SDHA: variants seen among roughly 807,000 people sequenced by gnomAD.
SDHA encodes the protein succinate dehydrogenase complex flavoprotein subunit A.
In SDHA, 48 loss-of-function variants were observed where a neutral mutation model predicts 78.4. The ratio of observed to expected loss-of-function variants is 0.61; its 90% CI spans 0.49 to 0.78. The LOEUF is 0.78. SDHA is among the 30% of genes least tolerant of loss of function. The pLI is 0.00. For synonymous variants in SDHA, 326 were observed against 353.9 expected (o/e 0.92, Z 0.88); for missense variants, 680 against 892.7 (o/e 0.76, Z 3.04).
chr5:256,432 G>A lies in SDHA; in HGVS notation c.*12G>A, dbSNP rs554489533. ...TTCGCTCCTACTGATGAGACAAGATGTGGTGATGACAGAATCAGCTTTTGT... is the reference window on the plus strand; with the variant it reads ...TTCGCTCCTACTGATGAGACAAGATATGGTGATGACAGAATCAGCTTTTGT... On this transcript the variant is annotated 3_prime_UTR_variant, in exon 15 of 15. Transcript: ENST00000264932. The A allele has an allele frequency of 1.1e-5, 18 of 1,600,132 alleles. No homozygotes were observed. The South Asian group carries it at 1.9e-4, about 17-fold the overall frequency.
chr5:256,107 A>T (rs1197892227), intron 14 of SDHA, among the ~76,000 whole-genome samples: 1 of 152,260 alleles, frequency 6.6e-6, no homozygotes, highest in Non-Finnish European at 1.5e-5. Context: ...ATAAATATTT[A>T]CTTTGAAGTA....
At chr5:264,452 C>T in the SDHA span, among the ~76,000 whole-genome samples, 71 of 152,314 alleles carry the variant, frequency 4.7e-4, no homozygotes, top group African/African-American at 1.7e-3. Flanking sequence ...CAGCTGGGCC[C>T]GTGCTCATTG....
chr5:232,675 A>C (rs1425974143), intron 7 of SDHA, among the ~76,000 whole-genome samples: 1 of 152,222 alleles, frequency 6.6e-6, no homozygotes, highest in African/African-American at 2.4e-5. Context: ...GAAAATCAAA[A>C]GACAGACAAG....
Position 235,213 on chromosome 5 carries a change from G to A in SDHA, c.1134G>A (p.Thr378=), listed in dbSNP as rs370002515. 6 of 1,613,852 alleles carry A rather than the reference G, an allele frequency of 3.7e-6. No homozygotes were observed. The highest frequency in any genetic ancestry group is 2.7e-5 in the African/African-American group (2 of 74,906). Reference sequence around the variant, plus strand: ...ACCTACCTCCAGAGCAGCTGGCCACGCGCCTGCCTGGCATTTCAGAGACAG... The same window carrying A: ...ACCTACCTCCAGAGCAGCTGGCCACACGCCTGCCTGGCATTTCAGAGACAG... The part of the protein sequence containing the change: ...LHHLPPEQLA[T]RLPGISETAM... The change falls in exon 9 of 15, where the codon ACG becomes ACA. Residue 378 remains threonine, a synonymous_variant. Coordinates refer to ENST00000264932, the MANE Select transcript of SDHA (RefSeq NM_004168.4).
Position 229,823 on chromosome 5 carries a change from AGTTAACATTATACAGCATGCTGGCTATC to A in SDHA, c.771-1033_771-1006del, listed in dbSNP as rs1454843344. Among the ~76,000 whole-genome samples, 458 of 122,272 alleles carry A rather than the reference AGTTAACATTATACAGCATGCTGGCTATC, an allele frequency of 3.7e-3. 11 individuals carry two copies. The highest frequency in any genetic ancestry group is 0.024 in the African/African-American group (411 of 17,484). The allele number at this position is 122,272 out of a possible 152,430, so 80.2% of individuals were successfully genotyped here. A position where few individuals can be genotyped will look rare whatever the true frequency, so the allele number is the denominator to read the frequency against. On this transcript the variant is annotated intron_variant, in intron 6 of 14. Transcript: ENST00000264932. ...TAACATTATACAGCATGGTGGCTAG[AGTTAACATTATACAGCATGCTGGCTATC>A]GTTAACATTATACAGCATGGTGGCC...
At chr5:259,242 T>C (rs373674815), downstream of SDHA, among the ~76,000 whole-genome samples, 723 of 44,964 alleles carry the variant, frequency 0.016, 7 homozygotes, top group Middle Eastern at 0.038. Context: ...GAGCTCCGCC[T>C]CCCGTCACAG....
In SDHA at chr5:226,006, G is replaced by T; in HGVS notation, c.580G>T (p.Asp194Tyr). The change falls in exon 5 of 15, where the codon GAT (aspartate) becomes TAT (tyrosine). Residue 194 changes from aspartate (D) to tyrosine (Y), a missense_variant. Physicochemically the swap from Asp to Tyr is radical, Grantham distance 160. Transcript: ENST00000264932. Reference sequence around the variant, plus strand: ...GGCCCATCGGTGCTGCTGTGTGGCTGATCGGACTGGCCACTCGCTATTGCA... The same window carrying T: ...GGCCCATCGGTGCTGCTGTGTGGCTTATCGGACTGGCCACTCGCTATTGCA... ...GQAHRCCCVA[D>Y]RTGHSLLHTL... 1 of 1,614,208 alleles carries T rather than the reference G, an allele frequency of 6.2e-7. No homozygotes were observed. The highest frequency in any genetic ancestry group is 1.1e-5 in the South Asian group (1 of 91,082).
the SDHA span, among the ~76,000 whole-genome samples, chr5:262,395 T>C: frequency 4.8e-3 from 695 of 145,118 alleles, 44 homozygotes; most frequent in African/African-American, 0.016. Context: ...CAAGCATTAC[T>C]GTGTGAGATC....
chr5:222,935 A>G (rs1157230264), intron 1 of SDHA, among the ~76,000 whole-genome samples: 1 of 152,194 alleles, frequency 6.6e-6, no homozygotes, highest in African/African-American at 2.4e-5. Context: ...TGTGTGATGA[A>G]GGGATGACAC....
chr5:236,439 C>G lies in SDHA; in HGVS notation c.1272C>G (p.His424Gln), dbSNP rs754805626. The stretch of plus-strand genomic sequence containing the variant: ...CTTCCTTTCCACAGGTCCTGAGGCA[C>G]GTGAATGGCCAGGATCAGATTGTGC... ...PTNYKGQVLR[H>Q]VNGQDQIVPG... Residue 424 changes from histidine to glutamine, a missense_variant, in exon 10 of 15, where the codon CAC becomes CAG. His to Gln is a conservative substitution (Grantham distance 24). Transcript: ENST00000264932. 34 of 1,613,714 alleles carry G rather than the reference C, an allele frequency of 2.1e-5. No homozygotes were observed. The highest frequency in any genetic ancestry group is 2.7e-5 in the Non-Finnish European group (32 of 1,179,748).
At chr5:259,850 T>C (rs1468650917), downstream of SDHA, among the ~76,000 whole-genome samples, 4 of 26,868 alleles carry the variant, frequency 1.5e-4, no homozygotes, top group Non-Finnish European at 2.6e-4. Flanking sequence ...GAGCTCCGCC[T>C]CCCGTCACAG....
intron 11 of SDHA, 75 bp downstream of exon 11, chr5:240,551 A>C: frequency 2.1e-6 from 2 of 951,838 alleles, no homozygotes; most frequent in Non-Finnish European, 3.4e-6. Flanking sequence ...GTTTTTTAAA[A>C]ACTAGATCTA....
At chr5:248,027 A>G (rs1736578578) in intron 11 of SDHA, among the ~76,000 whole-genome samples, 1 of 152,256 alleles carries the variant, frequency 6.6e-6, no homozygotes, top group Non-Finnish European at 1.5e-5. Context: ...TAAAGGCCAG[A>G]TCTTATCAGC....
At chr5:228,389 G>C (rs1735184306) in intron 6 of SDHA, 56 bp downstream of exon 6, 3 of 1,522,380 alleles carry the variant, frequency 2.0e-6, no homozygotes, top group Admixed American at 1.7e-5. Flanking sequence ...ATTTCATTTA[G>C]AGTTTCTTTA....
the SDHA span, among the ~76,000 whole-genome samples, chr5:262,332 G>A: frequency 1.8e-5 from 2 of 112,896 alleles, no homozygotes; most frequent in Non-Finnish European, 4.0e-5. Flanking sequence ...GAGCATTACC[G>A]TGTGAGCTCC....
downstream of SDHA, among the ~76,000 whole-genome samples, chr5:257,862 T>C (rs1232734494): frequency 7.4e-5 from 1 of 13,588 alleles, no homozygotes. Context: ...GAGCTCCGCC[T>C]CCTGCCATAG....
chr5:239,392 A>G (rs1735997381), intron 10 of SDHA, among the ~76,000 whole-genome samples: 1 of 151,954 alleles, frequency 6.6e-6, no homozygotes, highest in African/African-American at 2.4e-5. Context: ...ACCCATTTCT[A>G]CTGAAAATAC....
intron 10 of SDHA, among the ~76,000 whole-genome samples, chr5:239,266 C>T (rs999952033): frequency 5.3e-5 from 8 of 150,302 alleles, no homozygotes; most frequent in Non-Finnish European, 1.2e-4. Flanking sequence ...CGTAGAAACA[C>T]AAGAGTTGCA....
At chr5:249,988 T>C (rs981019287) in intron 11 of SDHA, 1 of 152,166 alleles carries the variant, frequency 6.6e-6, no homozygotes, top group African/African-American at 2.4e-5. Context: ...CATCAGTAAA[T>C]ATCTCATTCA....
Sources: allele counts gnomAD v4.1 joint callset (sites outside exome capture counted in the v4.1 genomes callset), GRCh38; gene constraint gnomAD v4.1.1; transcripts MANE v1.5; gene names NCBI Gene and HGNC (gene_info 2026-07-23, HGNC 2026-07-21).